The following SPATA13 variants were observed in gnomAD, a reference collection of about 807,000 sequenced individuals.
SPATA13 encodes spermatogenesis-associated protein 13.
A neutral mutation model predicts 104.0 loss-of-function variants in SPATA13; 50 were observed. The observed-to-expected ratio is 0.48, with a 90% CI of 0.38 to 0.61. The LOEUF is 0.61. Among genes scored for constraint, SPATA13 ranks in the 20% least tolerant of loss-of-function variants. The probability of loss-of-function intolerance (pLI) is 0.00; values close to 1 mark genes in which losing one functional copy is unlikely to be tolerated. For synonymous variants in SPATA13, 606 were observed against 667.5 expected (o/e 0.91, Z 1.42); for missense variants, 1,524 against 1,690.6 (o/e 0.90, Z 1.73).
rs1871864988 is a variant in SPATA13 at position 24,225,272 on chromosome 13, C to T, written c.1653+690C>T. On this transcript the variant is annotated intron_variant, in intron 2 of 12. Transcript: ENST00000382108. ...CTCTGCACACAGCCAGGCATGTCAG[C>T]TGTTGCAGCAGGGCAGGCAGCTCCA... 5.3e-5 allele frequency among the ~76,000 whole-genome samples: 8 copies of T among 152,256 alleles called. 1 individual carries two copies. Among genetic ancestry groups the T allele is most frequent in the Admixed American group, 5.2e-4 (8 of 15,284 alleles).
intron 3 of SPATA13, among the ~76,000 whole-genome samples, chr13:24,052,836 T>TCCCCGCCC: frequency 1.5e-4 from 2 of 13,628 alleles, no homozygotes; most frequent in Non-Finnish European, 2.3e-4. Flanking sequence ...CAGGGGATCC[T>TCCCCGCCC]CCCCGCCACT....
At chr13:23,983,072 C>T (rs368047734) in intron 1 of SPATA13, among the ~76,000 whole-genome samples, 7 of 152,168 alleles carry the variant, frequency 4.6e-5, no homozygotes, top group African/African-American at 9.7e-5. Flanking sequence ...TGAAGTTGAT[C>T]GAAAACCAGC....
chr13:24,279,636 C>T (rs987962814), intron 4 of SPATA13, among the ~76,000 whole-genome samples: 3 of 152,066 alleles, frequency 2.0e-5, no homozygotes, highest in East Asian at 1.9e-4. Context: ...GTGAGTGGGT[C>T]GTGGGATGTG....
At chr13:24,162,254 T>A (rs937881247) in intron 1 of SPATA13, among the ~76,000 whole-genome samples, 1 of 152,248 alleles carries the variant, frequency 6.6e-6, no homozygotes, top group Admixed American at 6.5e-5. Flanking sequence ...GGTTTCTTCC[T>A]TGTTTCCCCA....
intron 3 of SPATA13, among the ~76,000 whole-genome samples, chr13:24,027,804 C>G (rs9553144): frequency 0.78 from 118,507 of 152,020 alleles, 46,820 homozygotes; most frequent in Middle Eastern, 0.85. Flanking sequence ...AGTATATGCA[C>G]GGATCTTAGA....
chr13:24,227,297 A>C (rs1566161648), intron 2 of SPATA13, among the ~76,000 whole-genome samples: 1 of 152,142 alleles, frequency 6.6e-6, no homozygotes, highest in Non-Finnish European at 1.5e-5. Context: ...AATCATTGAA[A>C]TATTTTATTC....
intron 2 of SPATA13, among the ~76,000 whole-genome samples, chr13:24,014,160 G>T (rs1387186329): frequency 6.6e-6 from 1 of 152,170 alleles, no homozygotes; most frequent in East Asian, 1.9e-4. Flanking sequence ...GAAGGTCGGG[G>T]CCCAGCCCTT....
Position 24,289,142 on chromosome 13 carries a change from T to A in SPATA13, c.2811T>A (p.Pro937=). 6.2e-7 allele frequency: 1 copy of A among 1,611,836 alleles called. No individual in the cohort carries two copies. Among genetic ancestry groups the A allele is most frequent in the Non-Finnish European group, 8.5e-7 (1 of 1,179,502 alleles). ...AGAAACAGTACAACAAAGAGGAACC[T>A]CACTTAAGTGAAATAGGATCTTGCT... ...DLEKQYNKEE[P]HLSEIGSCFL... is the part of the protein sequence containing the mutation. Residue 937 remains proline (P), a synonymous_variant, in exon 8 of 13, where the codon CCT becomes CCA. Coordinates refer to ENST00000382108, the MANE Select transcript of SPATA13 (RefSeq NM_001166271.3).
At chr13:24,107,514 C>T (rs1880492739) in intron 3 of SPATA13, among the ~76,000 whole-genome samples, 1 of 152,164 alleles carries the variant, frequency 6.6e-6, no homozygotes, top group Admixed American at 6.5e-5. Flanking sequence ...ATATGAAAAG[C>T]AAATAGTGTC....
At chr13:24,032,673 G>T (rs1333010991) in intron 3 of SPATA13, among the ~76,000 whole-genome samples, 1 of 152,172 alleles carries the variant, frequency 6.6e-6, no homozygotes, top group Non-Finnish European at 1.5e-5. Context: ...AAAATCCAGG[G>T]CACGAGCAGA....
rs1347529257 is a variant in SPATA13 at position 24,088,198 on chromosome 13, C to T, written c.-112+70497C>T. ...TGTGTCCTGGCAGACAGGGAACTGG[C>T]GTGTTAATGCTCCCTAGGCAGCACT... On this transcript the variant is annotated intron_variant, in intron 3 of 14. Transcript: ENST00000424834. The surrounding 1 kb of genome is among the most constrained non-coding windows in gnomAD (Gnocchi z 4.3). Among the ~76,000 whole-genome samples, 4 of 152,090 alleles carry T rather than the reference C, an allele frequency of 2.6e-5. No individual in the cohort carries two copies. Among genetic ancestry groups the T allele is most frequent in the African/African-American group, 4.8e-5 (2 of 41,420 alleles).
intron 3 of SPATA13, among the ~76,000 whole-genome samples, chr13:24,047,659 A>C (rs532484922): frequency 2.0e-5 from 3 of 152,166 alleles, no homozygotes; most frequent in African/African-American, 7.2e-5. Context: ...ATAGTGTGGG[A>C]GTTCTTCTTT....
intron 1 of SPATA13, among the ~76,000 whole-genome samples, chr13:24,208,687 G>A (rs527932324): frequency 2.0e-5 from 2 of 98,936 alleles, no homozygotes; most frequent in Admixed American, 1.2e-4. Flanking sequence ...GACTTTTAGG[G>A]AGCCCATAGG....
chr13:23,995,314 C>T (rs763671187), intron 2 of SPATA13, among the ~76,000 whole-genome samples: 5 of 152,084 alleles, frequency 3.3e-5, no homozygotes, highest in Non-Finnish European at 5.9e-5. Context: ...TTTGTTTTTC[C>T]TGTTTGGCTT....
At chr13:24,175,721 T>G (rs963155290) in intron 1 of SPATA13, among the ~76,000 whole-genome samples, 2 of 152,242 alleles carry the variant, frequency 1.3e-5, no homozygotes, top group Non-Finnish European at 2.9e-5. Context: ...AAACAGTTTG[T>G]TGACTACCTC....
chr13:24,036,275 C>T (rs556246413), intron 3 of SPATA13, among the ~76,000 whole-genome samples: 1 of 152,286 alleles, frequency 6.6e-6, no homozygotes, highest in South Asian at 2.1e-4. Context: ...ATCTCCCTGG[C>T]GTCAGGGTTA....
At chr13:24,176,645 T>G (rs1868452075) in intron 1 of SPATA13, among the ~76,000 whole-genome samples, 1 of 152,176 alleles carries the variant, frequency 6.6e-6, no homozygotes, top group Non-Finnish European at 1.5e-5. Flanking sequence ...TTCTCTCACC[T>G]TGGACCTGTT....
At chr13:24,144,209 C>A (rs939838374) in intron 3 of SPATA13, among the ~76,000 whole-genome samples, 5 of 152,106 alleles carry the variant, frequency 3.3e-5, no homozygotes, top group Admixed American at 1.3e-4. Context: ...TGTAGGTGGG[C>A]GAGTCAGGAC....
At chr13:24,112,209 C>A (rs1419514873) in intron 3 of SPATA13, among the ~76,000 whole-genome samples, 2 of 152,158 alleles carry the variant, frequency 1.3e-5, no homozygotes, top group Non-Finnish European at 2.9e-5. Flanking sequence ...GGCCAGACAC[C>A]AATTAAAACA....
Sources: allele counts gnomAD v4.1 joint callset (sites outside exome capture counted in the v4.1 genomes callset), GRCh38; gene constraint gnomAD v4.1.1; non-coding constraint Gnocchi (gnomAD v3.1); transcripts MANE v1.5; gene names NCBI Gene and HGNC (gene_info 2026-07-23, HGNC 2026-07-21).